Variants in PPARGC1A observed in about 807,000 individuals in gnomAD.
PPARGC1A encodes the protein PPARG coactivator 1 alpha, also known as peroxisome proliferator-activated receptor gamma coactivator 1-alpha.
A neutral mutation model predicts 88.7 loss-of-function variants in PPARGC1A; 25 were observed. The ratio of observed to expected loss-of-function variants is 0.28; its 90% CI spans 0.21 to 0.39. PPARGC1A has a LOEUF of 0.39. Among genes scored for constraint, PPARGC1A ranks in the 10% least tolerant of loss-of-function variants. The probability of loss-of-function intolerance (pLI) is 1.00; values close to 1 mark genes in which losing one functional copy is unlikely to be tolerated. For missense variants in PPARGC1A, 880 were observed against 968.7 expected (o/e 0.91, Z 1.22); for synonymous variants, 363 against 355.6 (o/e 1.02, Z -0.24).
At chr4:24,415,383 A>C in the PPARGC1A span, among the ~76,000 whole-genome samples, 1 of 152,210 alleles carries the variant, frequency 6.6e-6, no homozygotes, top group Non-Finnish European at 1.5e-5. Flanking sequence ...CCACACAGCA[A>C]TTCTTAAGTA....
At chr4:24,291,923 G>A in the PPARGC1A span, among the ~76,000 whole-genome samples, 2 of 152,206 alleles carry the variant, frequency 1.3e-5, no homozygotes, top group Non-Finnish European at 2.9e-5. Flanking sequence ...TATAGTAGCT[G>A]GGAGAAAATC....
At chr4:24,181,250 C>T in the PPARGC1A span, among the ~76,000 whole-genome samples, 2 of 152,176 alleles carry the variant, frequency 1.3e-5, no homozygotes, top group Non-Finnish European at 2.9e-5. Context: ...GATCATAGCC[C>T]AGTTGTGTTA....
the PPARGC1A span, among the ~76,000 whole-genome samples, chr4:24,299,828 C>G: frequency 0.25 from 37,539 of 151,946 alleles, 4,688 homozygotes; most frequent in Admixed American, 0.3. Flanking sequence ...GTTACCAGAA[C>G]CAAGGTCCAG....
chr4:24,148,374 T>A, the PPARGC1A span, among the ~76,000 whole-genome samples: 2 of 152,162 alleles, frequency 1.3e-5, no homozygotes, highest in African/African-American at 2.4e-5. Flanking sequence ...TTCTTCAACA[T>A]CTTCTTTGAG....
At chr4:23,887,854 T>G (rs1343992760) in intron 1 of PPARGC1A, among the ~76,000 whole-genome samples, 1 of 150,920 alleles carries the variant, frequency 6.6e-6, no homozygotes, top group Non-Finnish European at 1.5e-5. Context: ...GGAAAGGGGG[T>G]GGAGAGAGGG....
Position 23,814,574 on chromosome 4 carries a change from T to A in PPARGC1A, c.909A>T (p.Lys303Asn). Residue 303 changes from lysine to asparagine, a missense_variant, in exon 8 of 13, where the codon AAA becomes AAT. Lys to Asn is a moderately conservative substitution (Grantham distance 94). Coordinates refer to ENST00000264867, the MANE Select transcript of PPARGC1A (RefSeq NM_013261.5). ...GLTPPTTPPHKANQDNPFRAS... is the reference protein window; with the variant it reads ...GLTPPTTPPHNANQDNPFRAS... ...CCCTAAAAGGGTTATCTTGGTTGGC[T>A]TTATGAGGAGGAGTGGTGGGTGGAG... 6.2e-7 allele frequency: 1 copy of A among 1,605,794 alleles called. No individual in the cohort carries two copies. The highest frequency in any genetic ancestry group is 8.5e-7 in the Non-Finnish European group (1 of 1,177,804).
the PPARGC1A span, among the ~76,000 whole-genome samples, chr4:24,343,281 T>A: frequency 6.6e-6 from 1 of 152,194 alleles, no homozygotes; most frequent in East Asian, 1.9e-4. Context: ...TGTGGAAACT[T>A]CATCTCTAAT....
the PPARGC1A span, among the ~76,000 whole-genome samples, chr4:24,457,026 G>C: frequency 6.6e-6 from 1 of 152,186 alleles, no homozygotes; most frequent in Non-Finnish European, 1.5e-5. Flanking sequence ...TGGGACCAGA[G>C]GAAGTAACAG....
chr4:24,122,576 T>C, the PPARGC1A span, among the ~76,000 whole-genome samples: 1 of 151,962 alleles, frequency 6.6e-6, no homozygotes, highest in Non-Finnish European at 1.5e-5. Context: ...CTAAGTACCA[T>C]AAGGTACTGA....
At chr4:24,160,723 A>G in the PPARGC1A span, among the ~76,000 whole-genome samples, 1 of 152,160 alleles carries the variant, frequency 6.6e-6, no homozygotes, top group African/African-American at 2.4e-5. Context: ...GAGTTCAGGG[A>G]CCCTTGTTCT....
chr4:23,918,754 A>C, the PPARGC1A span, among the ~76,000 whole-genome samples: 1 of 152,150 alleles, frequency 6.6e-6, no homozygotes, highest in Non-Finnish European at 1.5e-5. Context: ...GACTATCAGA[A>C]ATTGTTTAAA....
At chr4:24,141,149 A>G in the PPARGC1A span, among the ~76,000 whole-genome samples, 1 of 151,908 alleles carries the variant, frequency 6.6e-6, no homozygotes, top group Non-Finnish European at 1.5e-5. Context: ...ACAAAAGCAG[A>G]AAAAAATCCC....
chr4:24,320,879 C>T, the PPARGC1A span, among the ~76,000 whole-genome samples: 53 of 152,264 alleles, frequency 3.5e-4, no homozygotes, highest in African/African-American at 1.3e-3. Context: ...AGGTCAACAG[C>T]TGGAAAATGG....
In PPARGC1A at chr4:23,802,411, G is replaced by A. The variant is rs1718954994; in HGVS notation, c.2020-66C>T. On this transcript the variant is annotated intron_variant, in intron 10 of 12. Coordinates refer to ENST00000264867, the MANE Select transcript of PPARGC1A (RefSeq NM_013261.5). ...AAGCTAGCCCTCGGCCGGGCACAGT[G>A]GCTCACACCTGTAATCCCAGCACTT... 8.8e-6 allele frequency: 14 copies of A among 1,595,102 alleles called. No homozygotes were observed. In the Middle Eastern group the frequency reaches 6.7e-4, roughly 76 times the overall value.
chr4:24,113,701 T>C, the PPARGC1A span, among the ~76,000 whole-genome samples: 1 of 152,100 alleles, frequency 6.6e-6, no homozygotes, highest in African/African-American at 2.4e-5. Flanking sequence ...AAATAAAGCC[T>C]TACAAGACTT....
the PPARGC1A span, among the ~76,000 whole-genome samples, chr4:24,048,695 T>A: frequency 6.6e-6 from 1 of 152,190 alleles, no homozygotes; most frequent in Non-Finnish European, 1.5e-5. Context: ...CCTGAGCCTA[T>A]GGACTTTACG....
At chr4:24,077,669 GTGTT>G in the PPARGC1A span, among the ~76,000 whole-genome samples, 1 of 136,478 alleles carries the variant, frequency 7.3e-6, no homozygotes. Flanking sequence ...GTGTGTGTGT[GTGTT>G]TCATTCATTA....
upstream of PPARGC1A, chr4:23,904,156 G>T: frequency 1.8e-6 from 1 of 557,842 alleles, no homozygotes; most frequent in Non-Finnish European, 2.3e-6. Context: ...GCATCTCAGA[G>T]TCACTACTAA....
the PPARGC1A span, among the ~76,000 whole-genome samples, chr4:24,013,343 C>T: frequency 6.6e-6 from 1 of 152,134 alleles, no homozygotes; most frequent in Non-Finnish European, 1.5e-5. Context: ...TTCTTCTACC[C>T]AATTCCCCTT....
Sources: gnomAD v4.1 joint callset for allele counts (sites outside exome capture counted in the v4.1 genomes callset) on GRCh38, gnomAD v4.1.1 for gene constraint, MANE v1.5 for transcripts, NCBI Gene and HGNC (gene_info 2026-07-23, HGNC 2026-07-21) for gene names.